Variants in NALF1 observed in about 807,000 individuals in gnomAD.
NALF1 encodes NALCN channel auxiliary factor 1.
NALF1 carries 3 observed loss-of-function variants against 48.4 expected under a neutral mutation model. The observed-to-expected ratio is 0.06, with a 90% confidence interval of 0.03 to 0.16. The LOEUF (loss-of-function observed/expected upper bound fraction) is 0.16, where lower values mean the gene tolerates loss of function less well. Ranked by LOEUF, NALF1 falls within the 10% of genes least tolerant of loss-of-function variation. The pLI, the probability that NALF1 is intolerant of heterozygous loss-of-function variation, is 1.00. For synonymous variants in NALF1, 262 were observed against 245.7 expected (o/e 1.07, Z -0.62); for missense variants, 526 against 571.5 (o/e 0.92, Z 0.81).
rs1877519716 is a variant in NALF1 at position 107,557,664 on chromosome 13, GA to G, written c.915+308017del. Among the ~76,000 whole-genome samples the G allele has an allele frequency of 2.0e-5, 3 of 152,060 alleles. No individual in the cohort carries two copies. The South Asian group carries it at 6.2e-4, about 32-fold the overall frequency. Reference sequence around the variant, plus strand: ...GAAGCACAGCCTTTTTGAGATGGAAGAAAACACATTTTGTGGAAAGGAACAC... The same window carrying G: ...GAAGCACAGCCTTTTTGAGATGGAAGAAACACATTTTGTGGAAAGGAACAC... On this transcript the variant is annotated intron_variant, in intron 1 of 2. Coordinates refer to ENST00000375915, the MANE Select transcript of NALF1 (RefSeq NM_001080396.3).
intron 1 of NALF1, among the ~76,000 whole-genome samples, chr13:107,268,068 C>G (rs1480400484): frequency 2.0e-5 from 3 of 148,292 alleles, no homozygotes; most frequent in African/African-American, 7.5e-5. Flanking sequence ...CTCACTGCAA[C>G]CTCCGCTTCC....
chr13:107,569,305 T>TA (rs34387229), intron 1 of NALF1, among the ~76,000 whole-genome samples: 4 of 151,442 alleles, frequency 2.6e-5, no homozygotes, highest in Admixed American at 6.6e-5. Flanking sequence ...CCGTCTCTAC[T>TA]AAAAAAAATA....
intron 1 of NALF1, among the ~76,000 whole-genome samples, chr13:107,709,396 C>T (rs1345401378): frequency 2.0e-5 from 3 of 152,210 alleles, no homozygotes; most frequent in Non-Finnish European, 4.4e-5. Flanking sequence ...GCAAGGTGTG[C>T]TCTGCAGTGA....
At position 107,824,294 on chromosome 13, in the gene NALF1, T is replaced by G. The variant is rs115304445; in HGVS notation, c.915+41388A>C. 8.4e-3 allele frequency among the ~76,000 whole-genome samples: 1,276 copies of G among 152,182 alleles called. 15 individuals carry two copies. The highest frequency in any genetic ancestry group is 0.029 in the African/African-American group (1,213 of 41,492). ...GTCTGATTGTTAATATAGGGACCCC[T>G]AGATATATTTGTTTTGACTCTAGTG... On this transcript the variant is annotated intron_variant, in intron 1 of 2. Transcript: ENST00000375915.
At chr13:107,818,966 A>T (rs1018236865) in intron 1 of NALF1, among the ~76,000 whole-genome samples, 12 of 151,778 alleles carry the variant, frequency 7.9e-5, no homozygotes, top group Non-Finnish European at 1.6e-4. Context: ...GCAGTGTGAG[A>T]ATGCTGAGGA....
At chr13:107,212,821 T>C (rs149653654) in intron 1 of NALF1, among the ~76,000 whole-genome samples, 1 of 152,246 alleles carries the variant, frequency 6.6e-6, no homozygotes, top group East Asian at 1.9e-4. Context: ...AAAAATAACA[T>C]TCCATTATGA....
chr13:107,323,053 T>C (rs1452487180), intron 1 of NALF1, among the ~76,000 whole-genome samples: 7 of 152,146 alleles, frequency 4.6e-5, no homozygotes, highest in Non-Finnish European at 8.8e-5. Flanking sequence ...AGAACGCTTA[T>C]CTTTTCATGA....
chr13:107,721,488 C>G (rs1269674614), intron 1 of NALF1, among the ~76,000 whole-genome samples: 1 of 152,138 alleles, frequency 6.6e-6, no homozygotes, highest in African/African-American at 2.4e-5. Flanking sequence ...ATTTCAAGTT[C>G]TATATGTTTC....
At chr13:107,415,377 GA>G (rs200844141) in intron 1 of NALF1, among the ~76,000 whole-genome samples, 20 of 150,156 alleles carry the variant, frequency 1.3e-4, no homozygotes, top group East Asian at 3.9e-4. Context: ...CATAAGGAGA[GA>G]GTTTTTTTTT....
In NALF1 at chr13:107,165,398, T is replaced by C. The variant is rs1263982804; in HGVS notation, c.*5099A>G. On this transcript the variant is annotated 3_prime_UTR_variant, in exon 3 of 3. Coordinates refer to ENST00000375915, the MANE Select transcript of NALF1 (RefSeq NM_001080396.3). ...TGCCTCGGAGCCAGCTTGTGTAATT[T>C]GTAATCAGAAGATGCTTGAGTTCCA... 6.6e-6 allele frequency: 1 copy of C among 152,206 alleles called. No homozygotes were observed. Among genetic ancestry groups the C allele is most frequent in the African/African-American group, 2.4e-5 (1 of 41,460 alleles). 9.4% of individuals were successfully genotyped at this position (152,206 alleles called of 1,614,324 possible).
intron 1 of NALF1, among the ~76,000 whole-genome samples, chr13:107,582,943 C>G (rs1429224217): frequency 6.6e-6 from 1 of 152,308 alleles, no homozygotes; most frequent in East Asian, 1.9e-4. Context: ...CAAAGCCATT[C>G]TGACCTCTGA....
At chr13:107,224,010 TTTAA>T (rs1171735700) in intron 1 of NALF1, among the ~76,000 whole-genome samples, 1 of 152,130 alleles carries the variant, frequency 6.6e-6, no homozygotes, top group South Asian at 2.1e-4. Flanking sequence ...AACATTATTG[TTTAA>T]TTGATTAATT....
At chr13:107,805,609 A>G (rs1295427755) in intron 1 of NALF1, among the ~76,000 whole-genome samples, 3 of 152,186 alleles carry the variant, frequency 2.0e-5, no homozygotes, top group Admixed American at 2.0e-4. Context: ...TCAGAAAAAA[A>G]AGCATGGTTT....
intron 1 of NALF1, among the ~76,000 whole-genome samples, chr13:107,437,844 C>T (rs139025004): frequency 1.4e-3 from 208 of 152,236 alleles, no homozygotes; most frequent in African/African-American, 4.9e-3. Flanking sequence ...ATTTAATATA[C>T]ATTTTACCTC....
At chr13:107,529,367 C>T (rs1876551189) in intron 1 of NALF1, among the ~76,000 whole-genome samples, 1 of 152,132 alleles carries the variant, frequency 6.6e-6, no homozygotes, top group Non-Finnish European at 1.5e-5. Flanking sequence ...AGATGAGTAG[C>T]AATTGGGTAG....
chr13:107,667,595 A>G (rs1204616406), intron 1 of NALF1, among the ~76,000 whole-genome samples: 1 of 152,148 alleles, frequency 6.6e-6, no homozygotes, highest in Non-Finnish European at 1.5e-5. Flanking sequence ...GTAGAGAAGT[A>G]GTATGAAGGA....
intron 1 of NALF1, among the ~76,000 whole-genome samples, chr13:107,772,382 G>A (rs991534946): frequency 6.6e-6 from 1 of 152,022 alleles, no homozygotes; most frequent in African/African-American, 2.4e-5. Flanking sequence ...GAGGTAAGTG[G>A]ACCATTTGTC....
At chr13:107,746,305 G>A (rs1876778430) in intron 1 of NALF1, among the ~76,000 whole-genome samples, 2 of 152,096 alleles carry the variant, frequency 1.3e-5, no homozygotes, top group African/African-American at 4.8e-5. Context: ...AAATTACCTA[G>A]TCTCAAGTAT....
At chr13:107,450,430 G>T (rs912734512) in intron 1 of NALF1, among the ~76,000 whole-genome samples, 1 of 152,154 alleles carries the variant, frequency 6.6e-6, no homozygotes, top group Non-Finnish European at 1.5e-5. Context: ...GGGAGATCTG[G>T]TGAGTGTGAA....
Sources: allele counts gnomAD v4.1 joint callset (sites outside exome capture counted in the v4.1 genomes callset), GRCh38; gene constraint gnomAD v4.1.1; transcripts MANE v1.5; gene names NCBI Gene and HGNC (gene_info 2026-07-23, HGNC 2026-07-21).